Variants in PTPRD observed in about 807,000 individuals in gnomAD.
The protein encoded by PTPRD is protein tyrosine phosphatase receptor type D, also known as receptor-type tyrosine-protein phosphatase delta.
Under a neutral mutation model 214.5 loss-of-function variants are expected in PTPRD, and 34 were observed. The ratio of observed to expected loss-of-function variants is 0.16; its 90% CI spans 0.12 to 0.21. The LOEUF is 0.21. PTPRD is among the 10% of genes least tolerant of loss of function. The pLI is 1.00. For missense variants in PTPRD, 2,545 were observed against 2,398.7 expected (o/e 1.06, Z -1.27); for synonymous variants, 1,128 against 845.7 (o/e 1.33, Z -5.79).
intron 10 of PTPRD, among the ~76,000 whole-genome samples, chr9:9,090,610 A>G (rs2154431271): frequency 6.6e-6 from 1 of 152,222 alleles, no homozygotes; most frequent in South Asian, 2.1e-4. Flanking sequence ...CTATTTTTGG[A>G]TGAAGGGCAG....
At chr9:8,827,555 C>T (rs1310816266) in intron 11 of PTPRD, among the ~76,000 whole-genome samples, 1 of 152,094 alleles carries the variant, frequency 6.6e-6, no homozygotes, top group Non-Finnish European at 1.5e-5. Flanking sequence ...TGCAGTGAGC[C>T]AAGATTGGGC....
intron 12 of PTPRD, among the ~76,000 whole-genome samples, chr9:8,675,538 C>CAAAAA: frequency 7.1e-4 from 35 of 49,110 alleles, no homozygotes; most frequent in African/African-American, 2.8e-3. Flanking sequence ...CACACACACA[C>CAAAAA]AAAAAAAAAA....
intron 3 of PTPRD, among the ~76,000 whole-genome samples, chr9:10,246,375 G>T (rs1323082604): frequency 6.6e-6 from 1 of 151,946 alleles, no homozygotes; most frequent in Non-Finnish European, 1.5e-5. Flanking sequence ...TCCCAAGTAG[G>T]TGGGATTACA....
At chr9:9,317,278 A>C (rs764058094) in intron 9 of PTPRD, among the ~76,000 whole-genome samples, 3 of 152,212 alleles carry the variant, frequency 2.0e-5, no homozygotes, top group Non-Finnish European at 4.4e-5. Flanking sequence ...AACAGCTTCT[A>C]GTCCACTAGC....
intron 20 of PTPRD, among the ~76,000 whole-genome samples, chr9:8,520,106 T>C (rs2097859071): frequency 6.6e-6 from 1 of 152,188 alleles, no homozygotes; most frequent in Non-Finnish European, 1.5e-5. Context: ...TTTCTGAACT[T>C]TCAAAGCAAA....
intron 11 of PTPRD, among the ~76,000 whole-genome samples, chr9:8,911,473 G>T (rs188874195): frequency 2.2e-4 from 34 of 151,394 alleles, no homozygotes; most frequent in Non-Finnish European, 4.6e-4. Context: ...GAGAATGAAT[G>T]ACAACACTTT....
chr9:8,831,218 A>T (rs968137338), intron 11 of PTPRD, among the ~76,000 whole-genome samples: 5 of 152,140 alleles, frequency 3.3e-5, no homozygotes, highest in Middle Eastern at 3.2e-3. Context: ...AACTGTCATG[A>T]ATTCATTCCT....
At chr9:9,656,323 G>A (rs981263722) in intron 7 of PTPRD, among the ~76,000 whole-genome samples, 4 of 152,152 alleles carry the variant, frequency 2.6e-5, no homozygotes, top group African/African-American at 9.7e-5. Flanking sequence ...ATGCTTAGGG[G>A]AGCTTTATTG....
intron 10 of PTPRD, among the ~76,000 whole-genome samples, chr9:9,106,818 G>A (rs960368571): frequency 9.9e-5 from 15 of 151,910 alleles, no homozygotes; most frequent in Non-Finnish European, 2.1e-4. Flanking sequence ...CACCTCCATG[G>A]ATTGGAATTG....
intron 9 of PTPRD, among the ~76,000 whole-genome samples, chr9:9,313,922 C>A (rs892547158): frequency 7.2e-5 from 11 of 152,086 alleles, no homozygotes; most frequent in Non-Finnish European, 1.3e-4. Flanking sequence ...CATGTGGAAA[C>A]AAGATTCCTT....
chr9:9,934,807 T>C (rs7030397), intron 5 of PTPRD, among the ~76,000 whole-genome samples: 14,417 of 151,418 alleles, frequency 0.095, 2,324 homozygotes, highest in African/African-American at 0.33. Flanking sequence ...CCTTGATGAA[T>C]ATTGATGCAA....
chr9:9,120,487 AG>A (rs2099816575), intron 10 of PTPRD, among the ~76,000 whole-genome samples: 1 of 152,208 alleles, frequency 6.6e-6, no homozygotes, highest in African/African-American at 2.4e-5. Flanking sequence ...GCTATGGAAA[AG>A]TCTGTCAAAT....
At chr9:8,858,664 T>C (rs1375044802) in intron 11 of PTPRD, among the ~76,000 whole-genome samples, 4 of 139,920 alleles carry the variant, frequency 2.9e-5, no homozygotes, top group Non-Finnish European at 6.3e-5. Flanking sequence ...TGAGTGTGGG[T>C]GCGCCCGGAC....
intron 3 of PTPRD, among the ~76,000 whole-genome samples, chr9:10,202,260 T>C (rs1464706879): frequency 6.6e-6 from 1 of 152,024 alleles, no homozygotes; most frequent in East Asian, 1.9e-4. Context: ...AACATTCTAA[T>C]AATACAGTCA....
intron 5 of PTPRD, among the ~76,000 whole-genome samples, chr9:9,779,620 A>G (rs1244298650): frequency 6.6e-6 from 1 of 152,208 alleles, no homozygotes; most frequent in African/African-American, 2.4e-5. Context: ...AACATCATTA[A>G]TCATCAGAAA....
chr9:10,448,909 T>G (rs2130716339), intron 2 of PTPRD, among the ~76,000 whole-genome samples: 1 of 152,184 alleles, frequency 6.6e-6, no homozygotes, highest in Non-Finnish European at 1.5e-5. Context: ...ATTTAGAGTC[T>G]TTGCAAATAC....
At chr9:9,162,601 C>T (rs77236296) in intron 10 of PTPRD, among the ~76,000 whole-genome samples, 5,116 of 152,126 alleles carry the variant, frequency 0.034, 299 homozygotes, top group African/African-American at 0.12. Context: ...CACCCTCCAC[C>T]TGCTTGCATC....
At chr9:9,873,408 CA>C (rs111229928) in intron 5 of PTPRD, among the ~76,000 whole-genome samples, 4 of 148,900 alleles carry the variant, frequency 2.7e-5, no homozygotes, top group African/African-American at 4.9e-5. Context: ...CATCCATTTA[CA>C]AAAAAAAATA....
Position 10,048,173 on chromosome 9 carries a change from T to G in PTPRD, c.-544-14383A>C, listed in dbSNP as rs569301415. Among the ~76,000 whole-genome samples, 28 of 152,286 alleles carry G rather than the reference T, an allele frequency of 1.8e-4. No individual in the cohort carries two copies. The South Asian group carries it at 5.8e-3, about 32-fold the overall frequency. ...TTTTCTAGCATCTAGCAGGGACTAG[T>G]TCCTTGATCTTCTGCATTGCTTTAT... On this transcript the variant is annotated intron_variant, in intron 3 of 45. Transcript: ENST00000381196.
Sources: allele counts gnomAD v4.1 joint callset (sites outside exome capture counted in the v4.1 genomes callset), GRCh38; gene constraint gnomAD v4.1.1; transcripts MANE v1.5; gene names NCBI Gene and HGNC (gene_info 2026-07-23, HGNC 2026-07-21).